The following CNPY2 variants were observed in gnomAD, a reference collection of about 807,000 sequenced individuals.
CNPY2 encodes protein canopy homolog 2.
In CNPY2, 19 loss-of-function variants were observed where a neutral mutation model predicts 25.5. The ratio of observed to expected loss-of-function variants is 0.74; its 90% confidence interval spans 0.52 to 1.09. The LOEUF is 1.09. Among genes scored for constraint, CNPY2 ranks in the 50% least tolerant of loss-of-function variants. CNPY2 has a pLI of 0.00. For missense variants in CNPY2, 214 were observed against 233.6 expected, an observed-to-expected ratio of 0.92 and a Z score of 0.55; for synonymous variants, 82 against 85.0, an observed-to-expected ratio of 0.96 and a Z score of 0.19.
At chr12:56,315,305 C>G (rs1166741929) in intron 1 of CNPY2, 63 bp from the exon 2 acceptor site, 24 of 911,940 alleles carry the variant, frequency 2.6e-5, no homozygotes, top group Non-Finnish European at 3.2e-5. Context: ...CCTGACCCCC[C>G]CAATCCTCAC....
At chr12:56,310,802 A>C (rs1873692570) in intron 5 of CNPY2, among the ~76,000 whole-genome samples, 156 bp downstream of exon 5, 1 of 152,174 alleles carries the variant, frequency 6.6e-6, no homozygotes, top group Admixed American at 6.5e-5. Flanking sequence ...CTGACAGAAA[A>C]TGTGGAGGAA....
chr12:56,311,719 CTT>C (rs1316146041), intron 3 of CNPY2: 1 of 373,048 alleles, frequency 2.7e-6, no homozygotes, highest in Non-Finnish European at 5.1e-6. Context: ...ACCCAGCTAA[CTT>C]TTGTATTTTT....
chr12:56,314,693 G>A (rs1873832199), intron 3 of CNPY2, 158 bp downstream of exon 3: 1 of 1,480,780 alleles, frequency 6.8e-7, no homozygotes, highest in South Asian at 1.4e-5. Context: ...GCAAGTGCAT[G>A]GGGAATAAGC....
chr12:56,313,951 G>A (rs972311604), intron 3 of CNPY2, among the ~76,000 whole-genome samples: 57 of 150,104 alleles, frequency 3.8e-4, no homozygotes, highest in African/African-American at 1.3e-3. Context: ...AACCAGACTG[G>A]AGTGCAGTGG....
Position 56,310,491 on chromosome 12 carries a change from T to C in CNPY2, c.*61A>G. ...GTAAAAACATAATATATAAAAGGCA[T>C]TGCCACCATTTTCCCCTCCTGGGGG... On this transcript the variant is annotated 3_prime_UTR_variant, in exon 6 of 6. Coordinates refer to ENST00000273308, the MANE Select transcript of CNPY2 (RefSeq NM_014255.7). 6.6e-7 allele frequency: 1 copy of C among 1,521,448 alleles called. No homozygotes were observed. The highest frequency in any genetic ancestry group is 9.1e-7 in the Non-Finnish European group (1 of 1,095,948). 94.2% of individuals were successfully genotyped at this position (1,521,448 alleles called of 1,614,324 possible).
rs774485842 is a variant in CNPY2 at position 56,314,909 on chromosome 12, T to C, written c.146A>G (p.Lys49Arg). 6.2e-7 allele frequency: 1 copy of C among 1,614,086 alleles called. No homozygotes were observed. Among genetic ancestry groups the C allele is most frequent in the Non-Finnish European group, 8.5e-7 (1 of 1,180,032 alleles). Residue 49 changes from lysine (K) to arginine (R), a missense_variant, in exon 3 of 6, where the codon AAG becomes AGG. Physicochemically the swap from Lys to Arg is conservative, Grantham distance 26 (BLOSUM62 2). Coordinates refer to ENST00000273308, the MANE Select transcript of CNPY2 (RefSeq NM_014255.7). ...CCGGAAAGATCCCATCTGAATGGTC[T>C]TCTTGGGGTCCACCTGGGCAATTTC... ...EWEIAQVDPK[K>R]TIQMGSFRIN...
chr12:56,311,193 C>T lies in CNPY2; in HGVS notation c.408+18G>A. The T allele has an allele frequency of 6.2e-7, 1 of 1,613,046 alleles. No homozygotes were observed. Among genetic ancestry groups the T allele is most frequent in the East Asian group, 2.2e-5 (1 of 44,870 alleles). ...CCCCTTAATGTCCAAGAACCAGCTA[C>T]CGATTCCCATAGCTCACCGCAAACT... is the stretch of plus-strand genomic sequence containing the variant. On this transcript the variant is annotated intron_variant, in intron 4 of 5. Transcript: ENST00000273308.
intron 3 of CNPY2, 165 bp from the exon 4 acceptor site, chr12:56,311,579 T>A: frequency 1.3e-6 from 1 of 768,364 alleles, no homozygotes; most frequent in Non-Finnish European, 2.2e-6. Flanking sequence ...GAGATGGGGT[T>A]TTGCTCTTGT....
intron 3 of CNPY2, among the ~76,000 whole-genome samples, chr12:56,314,018 C>G (rs1873802111): frequency 6.6e-6 from 1 of 151,892 alleles, no homozygotes; most frequent in South Asian, 2.1e-4. Flanking sequence ...TCTCCTGCCT[C>G]AGCCTCCTGA....
chr12:56,314,513 C>T, intron 3 of CNPY2: 3 of 1,150,032 alleles, frequency 2.6e-6, no homozygotes, highest in African/African-American at 1.6e-5. Context: ...TCTGTTTTTT[C>T]ATTTTTTATT....
In CNPY2 at chr12:56,312,222, C is replaced by CTTTTTT. The variant is rs56822059; in HGVS notation, c.205-814_205-809dup. ...TTTACTTGATAGTTTCAAAGTACTTCTTTTTTTTTTTTTTTTTTTTTTTTT... is the reference window on the plus strand; with the variant it reads ...TTTACTTGATAGTTTCAAAGTACTTCTTTTTTTTTTTTTTTTTTTTTTTTTTTTTTT... On this transcript the variant is annotated intron_variant, in intron 3 of 5. Coordinates refer to ENST00000273308, the MANE Select transcript of CNPY2 (RefSeq NM_014255.7). Among the ~76,000 whole-genome samples the CTTTTTT allele has an allele frequency of 3.5e-4, 47 of 135,924 alleles. 5 individuals are homozygous for CTTTTTT. The highest frequency in any genetic ancestry group is 1.3e-3 in the African/African-American group (43 of 32,764). 89.2% of individuals were successfully genotyped at this position (135,924 alleles called of 152,430 possible).
rs1873684252 is a variant in CNPY2, at chr12:56,310,488, G to A, written c.*64C>T. 6.8e-7 allele frequency: 1 copy of A among 1,470,042 alleles called. No individual in the cohort carries two copies. Among genetic ancestry groups the A allele is most frequent in the African/African-American group, 1.4e-5 (1 of 71,960 alleles). 91.1% of individuals were successfully genotyped at this position (1,470,042 alleles called of 1,614,324 possible). On this transcript the variant is annotated 3_prime_UTR_variant, in exon 6 of 6. Transcript: ENST00000273308. ...TCAGTAAAAACATAATATATAAAAG[G>A]CATTGCCACCATTTTCCCCTCCTGG...
chr12:56,316,135 C>T (rs3809128), upstream of CNPY2: 1,486 of 152,808 alleles, frequency 9.7e-3, 83 homozygotes, highest in East Asian at 0.18. Flanking sequence ...ACAGCAAGGA[C>T]CCCGGTCAAT....
intron 3 of CNPY2, among the ~76,000 whole-genome samples, chr12:56,314,146 G>A (rs780291251): frequency 2.0e-5 from 3 of 151,920 alleles, no homozygotes; most frequent in Non-Finnish European, 4.4e-5. Context: ...CAGGTGATCC[G>A]CCTGCCTTGG....
chr12:56,311,004 G>A lies in CNPY2; in HGVS notation c.459C>T (p.Ser153=). ...TGTCTTTAACATTGTCAGCCTCTCG[G>A]GAAAAGAATTCAATGAGTTCATCCT... The part of the protein sequence containing the change: ...EYEDELIEFF[S]READNVKDKL... Residue 153 remains serine, a synonymous_variant, in exon 5 of 6, where the codon TCC becomes TCT. Coordinates refer to ENST00000273308, the MANE Select transcript of CNPY2 (RefSeq NM_014255.7). 2 of 1,614,116 alleles carry A rather than the reference G, an allele frequency of 1.2e-6. No individual in the cohort carries two copies. The highest frequency in any genetic ancestry group is 2.2e-5 in the East Asian group (1 of 44,892).
At position 56,314,449 on chromosome 12, in the gene CNPY2, G is replaced by A. The variant is rs894282267; in HGVS notation, c.204+402C>T. ...TAGATACACCTTTGTGTACATGTGT[G>A]TTGTTTTCGATTAAAATTTCCTAAT... On this transcript the variant is annotated intron_variant, in intron 3 of 5. Transcript: ENST00000273308. 3 of 1,102,858 alleles carry A rather than the reference G, an allele frequency of 2.7e-6. No homozygotes were observed. The African/African-American group carries it at 4.9e-5, about 18-fold the overall frequency. The allele number at this position is 1,102,858 out of a possible 1,614,324, so 68.3% of individuals were successfully genotyped here.
At position 56,313,905 on chromosome 12, in the gene CNPY2, C is replaced by CT. The variant is rs35063385; in HGVS notation, c.204+945dup. 1.2e-3 allele frequency among the ~76,000 whole-genome samples: 164 copies of CT among 141,502 alleles called. 1 individual carries two copies. The highest frequency in any genetic ancestry group is 2.4e-3 in the African/African-American group (91 of 38,672). 92.8% of individuals were successfully genotyped at this position (141,502 alleles called of 152,430 possible). ...ACGGGCGTGAGCCACCGCGCCCGGC[C>CT]TTTTTTTTTTTTCAAGACAGAGTTT... On this transcript the variant is annotated intron_variant, in intron 3 of 5. Transcript: ENST00000273308.
In CNPY2 at chr12:56,314,851, C is replaced by T; in HGVS notation, c.204G>A (p.Glu68=). Residue 68 remains glutamate, a splice_region_variant and synonymous_variant, in exon 3 of 6, where the codon GAG becomes GAA. Transcript: ENST00000273308. ...INPDGSQSVV[E]VPYARSEAHL... ...TGTTTGGGGGAACAGTAACAGTTAC[C>T]TCCACCACTGACTGGCTGCCATCTG... The T allele has an allele frequency of 6.2e-7, 1 of 1,614,194 alleles. No homozygotes were observed. The highest frequency in any genetic ancestry group is 8.5e-7 in the Non-Finnish European group (1 of 1,180,038).
At position 56,310,641 on chromosome 12, in the gene CNPY2, A is replaced by G. The variant is rs150636143; in HGVS notation, c.506-46T>C. On this transcript the variant is annotated intron_variant, in intron 5 of 5. Transcript: ENST00000273308. ...AAAGGAATATGCCATTCTCATACTG[A>G]TATCTGCCAGTATCAAGAAAATTTC... is the stretch of plus-strand genomic sequence containing the variant. 2.9e-3 allele frequency: 4,566 copies of G among 1,599,774 alleles called. 10 individuals are homozygous for G. Among genetic ancestry groups the G allele is most frequent in the Non-Finnish European group, 3.7e-3 (4,283 of 1,166,972 alleles).
Sources: gnomAD v4.1 joint callset for allele counts (sites outside exome capture counted in the v4.1 genomes callset) on GRCh38, gnomAD v4.1.1 for gene constraint, MANE v1.5 for transcripts, NCBI Gene and HGNC (gene_info 2026-07-23, HGNC 2026-07-21) for gene names.